Variants in TMPRSS11D observed in about 807,000 individuals in gnomAD.
TMPRSS11D encodes the protein transmembrane protease serine 11D.
In TMPRSS11D, 32 loss-of-function variants were observed where a neutral mutation model predicts 44.4. The observed-to-expected ratio is 0.72, with a 90% CI of 0.54 to 0.97. The LOEUF (loss-of-function observed/expected upper bound fraction) is 0.97. Among genes scored for constraint, TMPRSS11D ranks in the 50% least tolerant of loss-of-function variants. The pLI is 0.00. For synonymous variants in TMPRSS11D, 179 were observed against 177.9 expected (o/e 1.01, Z -0.05); for missense variants, 446 against 502.6 (o/e 0.89, Z 1.08).
chr4:67,836,463 A>G (rs1394193519), intron 5 of TMPRSS11D, among the ~76,000 whole-genome samples: 1 of 152,200 alleles, frequency 6.6e-6, no homozygotes, highest in East Asian at 1.9e-4. Context: ...AAAGTTTCAC[A>G]AGGTTTGGGT....
chr4:67,843,150 A>G (rs1178869020), intron 3 of TMPRSS11D, among the ~76,000 whole-genome samples: 1 of 141,084 alleles, frequency 7.1e-6, no homozygotes, highest in African/African-American at 2.6e-5. Context: ...ATACCTAAGC[A>G]TCAGAGACTA....
chr4:67,837,974 A>C, intron 5 of TMPRSS11D, 198 bp downstream of exon 5: 1 of 421,946 alleles, frequency 2.4e-6, no homozygotes, highest in Non-Finnish European at 4.1e-6. Context: ...AATTTACTAT[A>C]TAAATGCCAA....
chr4:67,840,163 T>G (rs937742051), intron 4 of TMPRSS11D, among the ~76,000 whole-genome samples: 2 of 151,974 alleles, frequency 1.3e-5, no homozygotes, highest in Non-Finnish European at 2.9e-5. Context: ...TGTGTATTAG[T>G]TTTTTCTCAC....
intron 4 of TMPRSS11D, among the ~76,000 whole-genome samples, chr4:67,839,632 C>A (rs1470092298): frequency 6.6e-6 from 1 of 151,576 alleles, no homozygotes; most frequent in East Asian, 1.9e-4. Flanking sequence ...AACTAAACAC[C>A]CAATAACAGC....
At chr4:67,857,615 A>G (rs1026832016) in intron 2 of TMPRSS11D, among the ~76,000 whole-genome samples, 1 of 152,074 alleles carries the variant, frequency 6.6e-6, no homozygotes, top group Non-Finnish European at 1.5e-5. Context: ...AGAGTAAAGA[A>G]GAAAGACAAG....
chr4:67,883,178 C>T (rs1010419798), intron 1 of TMPRSS11D, among the ~76,000 whole-genome samples: 5 of 151,998 alleles, frequency 3.3e-5, no homozygotes, highest in African/African-American at 1.2e-4. Context: ...ATCCTTTCAG[C>T]ATGACTTATC....
chr4:67,860,104 G>A (rs780792473), intron 1 of TMPRSS11D, among the ~76,000 whole-genome samples: 2 of 152,070 alleles, frequency 1.3e-5, no homozygotes, highest in Non-Finnish European at 2.9e-5. Context: ...CATTTGGGTG[G>A]GAAGAAGTGT....
At chr4:67,868,460 G>A (rs1335448225) in intron 1 of TMPRSS11D, among the ~76,000 whole-genome samples, 9 of 152,128 alleles carry the variant, frequency 5.9e-5, no homozygotes, top group Non-Finnish European at 1.3e-4. Flanking sequence ...TCCTTCACTC[G>A]GAGGAGGGAG....
chr4:67,821,975 G>A lies in TMPRSS11D; in HGVS notation c.*362C>T, dbSNP rs547324803. 6.1e-6 allele frequency: 1 copy of A among 164,032 alleles called. No individual in the cohort carries two copies. The highest frequency in any genetic ancestry group is 6.2e-5 in the Admixed American group (1 of 16,032). The allele number at this position is 164,032 out of a possible 1,614,324, so 10.2% of individuals were successfully genotyped here. On this transcript the variant is annotated 3_prime_UTR_variant, in exon 10 of 10. Transcript: ENST00000283916. ...CTTCTCATCCTCAGTGAAACCCAGA[G>A]AAGACCCCTCTGACCCATCAGACCT...
At chr4:67,852,451 A>T (rs1168757865) in intron 3 of TMPRSS11D, among the ~76,000 whole-genome samples, 1 of 152,182 alleles carries the variant, frequency 6.6e-6, no homozygotes, top group Admixed American at 6.5e-5. Context: ...TGCATTTCTA[A>T]CAAGTTTCTA....
At chr4:67,832,066 C>T (rs1057154163) in intron 7 of TMPRSS11D, among the ~76,000 whole-genome samples, 3 of 152,046 alleles carry the variant, frequency 2.0e-5, no homozygotes, top group African/African-American at 4.8e-5. Context: ...AATATATTAA[C>T]ATTTCAAGGA....
intron 3 of TMPRSS11D, among the ~76,000 whole-genome samples, chr4:67,850,196 T>G (rs1718468023): frequency 6.6e-6 from 1 of 152,046 alleles, no homozygotes; most frequent in Non-Finnish European, 1.5e-5. Context: ...ATGATAAAGG[T>G]GACATGACAA....
intron 4 of TMPRSS11D, among the ~76,000 whole-genome samples, chr4:67,841,047 T>C (rs1484386431): frequency 6.6e-6 from 1 of 152,042 alleles, no homozygotes; most frequent in Non-Finnish European, 1.5e-5. Flanking sequence ...TAAAGTTCCA[T>C]GTAAAGCAAT....
chr4:67,863,840 T>G (rs1718853173), intron 1 of TMPRSS11D, among the ~76,000 whole-genome samples: 1 of 152,114 alleles, frequency 6.6e-6, no homozygotes. Flanking sequence ...AAGGTATTAT[T>G]ATAGAGGCAA....
At chr4:67,829,090 G>A (rs1717878282) in intron 7 of TMPRSS11D, among the ~76,000 whole-genome samples, 1 of 151,300 alleles carries the variant, frequency 6.6e-6, no homozygotes, top group Admixed American at 6.6e-5. Context: ...GTCCTGATTT[G>A]ACTTCCTCTG....
At chr4:67,827,131 G>T in intron 8 of TMPRSS11D, 130 bp downstream of exon 8, 1 of 1,238,840 alleles carries the variant, frequency 8.1e-7, no homozygotes, top group Non-Finnish European at 1.1e-6. Context: ...CTTGGGCTGA[G>T]CAGAATATAG....
chr4:67,881,321 G>C (rs907708456), intron 1 of TMPRSS11D, among the ~76,000 whole-genome samples: 5 of 152,124 alleles, frequency 3.3e-5, no homozygotes, highest in African/African-American at 1.2e-4. Context: ...AAGACAAGTT[G>C]GCAGTGGCAT....
At chr4:67,859,796 A>G (rs1400939331) in intron 1 of TMPRSS11D, 118 bp from the exon 2 acceptor site, 3 of 1,336,414 alleles carry the variant, frequency 2.2e-6, no homozygotes, top group East Asian at 2.4e-5. Context: ...GGCTCTAGCC[A>G]TAGAAACATA....
chr4:67,832,352 C>T lies in TMPRSS11D; in HGVS notation c.692+852G>A, dbSNP rs567320385. Among the ~76,000 whole-genome samples the T allele has an allele frequency of 4.6e-5, 7 of 152,060 alleles. No homozygotes were observed. In the South Asian group the frequency reaches 6.2e-4, roughly 14 times the overall value. ...AGTTCCCAACAACTGTTGTGGTCTG[C>T]GATGCCCCAGTAACAAGGCAGGTTT... On this transcript the variant is annotated intron_variant, in intron 7 of 9. Transcript: ENST00000283916.
Sources: allele counts gnomAD v4.1 joint callset (sites outside exome capture counted in the v4.1 genomes callset), GRCh38; gene constraint gnomAD v4.1.1; transcripts MANE v1.5; gene names NCBI Gene and HGNC (gene_info 2026-07-23, HGNC 2026-07-21).